The following PLXNB3 variants were observed in gnomAD, a reference collection of about 807,000 sequenced individuals.
PLXNB3 encodes the protein plexin-B3.
In PLXNB3, 80 loss-of-function variants were observed where a neutral mutation model predicts 125.7. That is an observed-to-expected ratio of 0.64 (90% CI 0.53 to 0.77). PLXNB3 has a LOEUF of 0.77. PLXNB3 is among the 30% of genes least tolerant of loss of function. The probability of loss-of-function intolerance (pLI) is 0.00; values close to 1 mark genes in which losing one functional copy is unlikely to be tolerated. For missense variants in PLXNB3, 1,836 were observed against 1,729.3 expected, an observed-to-expected ratio of 1.06 and a Z score of -1.09; for synonymous variants, 954 against 783.3, an observed-to-expected ratio of 1.22 and a Z score of -3.64.
At chrX:153,773,429 G>A in intron 18 of PLXNB3, 23 bp downstream of exon 18, 1 of 1,194,044 alleles carries the variant, frequency 8.4e-7, no homozygotes, top group Non-Finnish European at 1.1e-6. Flanking sequence ...CCGCAGGCCA[G>A]CCTGTGCACC....
intron 25 of PLXNB3, 48 bp downstream of exon 25, chrX:153,775,451 A>G: frequency 5.1e-6 from 6 of 1,174,340 alleles, no homozygotes; most frequent in Non-Finnish European, 5.8e-6. Context: ...CTTGCCACAG[A>G]CCTGCCCCCA....
intron 1 of PLXNB3, among the ~76,000 whole-genome samples, 171 bp downstream of exon 1, chrX:153,764,475 A>G (rs1431194511): frequency 1.1e-4 from 12 of 112,819 alleles, no homozygotes; most frequent in African/African-American, 3.9e-4. Context: ...GTGTCCCCCA[A>G]GTGGTAGCCC....
In PLXNB3 at chrX:153,765,562, T is replaced by G. The variant is rs2091848124; in HGVS notation, c.27T>G (p.Pro9=). 1 of 1,195,393 alleles carries G rather than the reference T, an allele frequency of 8.4e-7. No homozygotes were observed. Among genetic ancestry groups the G allele is most frequent in the African/African-American group, 1.7e-5 (1 of 57,183 alleles). Residue 9 remains proline (P), a synonymous_variant, in exon 2 of 36, where the codon CCT becomes CCG. Transcript: ENST00000361971. ...TGTGCCACGCCGCCCAGGAGACCCCTCTGCTGCACCACTTCATGGTAAGTG... is the reference window on the plus strand; with the variant it reads ...TGTGCCACGCCGCCCAGGAGACCCCGCTGCTGCACCACTTCATGGTAAGTG... MCHAAQET[P]LLHHFMAPVM...
intron 35 of PLXNB3, 81 bp from the exon 36 acceptor site, chrX:153,778,854 G>A (rs970582938): frequency 2.5e-5 from 28 of 1,109,329 alleles, no homozygotes; most frequent in Middle Eastern, 3.1e-4. Flanking sequence ...AGGCTCCTGC[G>A]GTGATGGAAG....
chrX:153,773,788 C>T (rs1288538938), intron 19 of PLXNB3, 71 bp from the exon 20 acceptor site: 8 of 1,192,594 alleles, frequency 6.7e-6, no homozygotes, highest in South Asian at 1.8e-5. Flanking sequence ...GAGGGTAGGC[C>T]GCCATGCCCC....
chrX:153,767,847 C>A lies in PLXNB3; in HGVS notation c.1020C>A (p.Gly340=). The part of the protein sequence containing the change: ...RRLCYTAGGR[G]PSGAEEATVE... ...TCTGCTACACGGCGGGCGGCCGGGGCCCCAGCGGCGCAGAGGAAGCCACCG... is the reference window on the plus strand; with the variant it reads ...TCTGCTACACGGCGGGCGGCCGGGGACCCAGCGGCGCAGAGGAAGCCACCG... Residue 340 remains glycine (G), a synonymous_variant, in exon 3 of 36, where the codon GGC becomes GGA. Transcript: ENST00000361971. The A allele has an allele frequency of 1.8e-6, 2 of 1,138,683 alleles. No homozygotes were observed. The highest frequency in any genetic ancestry group is 2.3e-6 in the Non-Finnish European group (2 of 860,844). 93.8% of individuals were successfully genotyped at this position (1,138,683 alleles called of 1,213,427 possible).
At chrX:153,778,716 G>A (rs782217478) in intron 35 of PLXNB3, 42 bp downstream of exon 35, 136 of 1,146,658 alleles carry the variant, frequency 1.2e-4, no homozygotes, top group Non-Finnish European at 1.6e-4. Context: ...CAGTGGAGCG[G>A]GAGGCCCGTG....
chrX:153,775,187 G>A, intron 24 of PLXNB3, 38 bp from the exon 25 acceptor site: 2 of 1,153,119 alleles, frequency 1.7e-6, no homozygotes, highest in Non-Finnish European at 1.2e-6. Flanking sequence ...TGGGGGAGGA[G>A]TGGGGCTTCC....
rs1557063229 is a variant in PLXNB3 at position 153,774,416 on chromosome X, C to G, written c.3679-4C>G. On this transcript the variant is annotated splice_polypyrimidine_tract_variant and splice_region_variant and intron_variant, in intron 21 of 35. Transcript: ENST00000361971. ...TGCACTCAGGAACCCTGCCCGCCCC[C>G]CAGGTGCAGATGGGCAATGTGCAGC... 2.5e-6 allele frequency: 3 copies of G among 1,182,733 alleles called. No individual in the cohort carries two copies. The highest frequency in any genetic ancestry group is 3.4e-6 in the Non-Finnish European group (3 of 879,475).
chrX:153,775,776 G>A, intron 26 of PLXNB3, 111 bp from the exon 27 acceptor site: 2 of 1,089,670 alleles, frequency 1.8e-6, no homozygotes, highest in Non-Finnish European at 2.5e-6. Context: ...GGGGGCTTTG[G>A]AAAGGGAAGG....
chrX:153,779,085 G>T lies in PLXNB3; in HGVS notation c.*46G>T. 2.1e-6 allele frequency: 2 copies of T among 953,825 alleles called. No individual in the cohort carries two copies. The highest frequency in any genetic ancestry group is 2.9e-6 in the Non-Finnish European group (2 of 701,407). 78.6% of individuals were successfully genotyped at this position (953,825 alleles called of 1,213,427 possible). On this transcript the variant is annotated 3_prime_UTR_variant, in exon 36 of 36. Coordinates refer to ENST00000361971, the MANE Select transcript of PLXNB3 (RefSeq NM_005393.3). ...AAGCCGGATCCACCAACACCGCAGC[G>T]CCTTATGACCCCGGAACCGAGCCAG...
rs376007115 is a variant in PLXNB3, at chrX:153,775,329, G to C, written c.4260G>C (p.Thr1420=). Residue 1420 remains threonine (T), a synonymous_variant, in exon 25 of 36, where the codon ACG becomes ACC. Coordinates refer to ENST00000361971, the MANE Select transcript of PLXNB3 (RefSeq NM_005393.3). The stretch of plus-strand genomic sequence containing the variant: ...TACACGGCAAGCTGGAGTACCTGAC[G>C]GACATCATGAGGACCCTGCTGGGTG... ...LALHGKLEYL[T]DIMRTLLGDL... 2 of 1,210,492 alleles carry C rather than the reference G, an allele frequency of 1.7e-6. No homozygotes were observed. Among genetic ancestry groups the C allele is most frequent in the Non-Finnish European group, 2.2e-6 (2 of 895,018 alleles).
intron 2 of PLXNB3, chrX:153,766,381 A>T: frequency 9.2e-7 from 1 of 1,088,569 alleles, no homozygotes; most frequent in Non-Finnish European, 1.2e-6. Context: ...CACTCCTCTC[A>T]CCTGACTTAG....
intron 16 of PLXNB3, chrX:153,772,663 G>A: frequency 4.0e-6 from 4 of 990,817 alleles, no homozygotes; most frequent in Non-Finnish European, 5.1e-6. Context: ...TGGCAGTGAG[G>A]ATGAAAGAGC....
Position 153,778,252 on chromosome X carries a change from C to G in PLXNB3, c.5410-9C>G, listed in dbSNP as rs1277929302. The G allele has an allele frequency of 2.8e-5, 34 of 1,197,177 alleles. No individual in the cohort carries two copies. Among genetic ancestry groups the G allele is most frequent in the Non-Finnish European group, 3.5e-5 (31 of 887,383 alleles). ...CTCATGCCTAGCGCCTCCCCTCCCTCCGGAGCAGGATTCCCCAGTGAACAA... is the reference window on the plus strand; with the variant it reads ...CTCATGCCTAGCGCCTCCCCTCCCTGCGGAGCAGGATTCCCCAGTGAACAA... On this transcript the variant is annotated splice_polypyrimidine_tract_variant and intron_variant, in intron 32 of 35. Coordinates refer to ENST00000361971, the MANE Select transcript of PLXNB3 (RefSeq NM_005393.3).
Position 153,773,990 on chromosome X carries a change from T to C in PLXNB3, c.3411T>C (p.Ser1137=). The C allele has an allele frequency of 8.3e-7, 1 of 1,209,561 alleles. No homozygotes were observed. The highest frequency in any genetic ancestry group is 1.7e-5 in the African/African-American group (1 of 57,939). ...DNVQVDFASA[S]GGQGFLYQPN... ...TGCAAGTGGACTTCGCCAGTGCCAGTGGGGGCCAGGGCTTCCTGTACCAGC... is the reference window on the plus strand; with the variant it reads ...TGCAAGTGGACTTCGCCAGTGCCAGCGGGGGCCAGGGCTTCCTGTACCAGC... Residue 1137 remains serine (S), a synonymous_variant, in exon 20 of 36, where the codon AGT becomes AGC. Transcript: ENST00000361971.
Position 153,779,097 on chromosome X carries a change from C to T in PLXNB3, c.*58C>T, listed in dbSNP as rs1449124179. On this transcript the variant is annotated 3_prime_UTR_variant, in exon 36 of 36. Transcript: ENST00000361971. The stretch of plus-strand genomic sequence containing the variant: ...CCAACACCGCAGCGCCTTATGACCC[C>T]GGAACCGAGCCAGCCACTGAGGGGA... 16 of 853,904 alleles carry T rather than the reference C, an allele frequency of 1.9e-5. No individual in the cohort carries two copies. Among genetic ancestry groups the T allele is most frequent in the South Asian group, 5.7e-5 (2 of 35,033 alleles). The allele number at this position is 853,904 out of a possible 1,213,427, so 70.4% of individuals were successfully genotyped here.
At chrX:153,768,126 G>A (rs2091880069) in intron 3 of PLXNB3, 123 bp from the exon 4 acceptor site, 2 of 862,726 alleles carry the variant, frequency 2.3e-6, no homozygotes, top group Non-Finnish European at 3.2e-6. Context: ...CTTCGGCCCT[G>A]ATTGCTGGGC....
intron 29 of PLXNB3, 77 bp downstream of exon 29, chrX:153,777,057 C>G (rs781903217): frequency 2.0e-6 from 2 of 977,089 alleles, no homozygotes; most frequent in South Asian, 2.2e-5. Flanking sequence ...GCATCTGCCT[C>G]AACTTCATCC....
Sources: allele counts gnomAD v4.1 joint callset (sites outside exome capture counted in the v4.1 genomes callset), GRCh38; gene constraint gnomAD v4.1.1; transcripts MANE v1.5; gene names NCBI Gene and HGNC (gene_info 2026-07-23, HGNC 2026-07-21).